The following BUB1 variants were observed in gnomAD, a reference collection of about 807,000 sequenced individuals.
BUB1 encodes the protein BUB1 mitotic checkpoint serine/threonine kinase, also known as mitotic checkpoint serine/threonine-protein kinase BUB1.
A neutral mutation model predicts 135.2 loss-of-function variants in BUB1; 84 were observed. That is an observed-to-expected ratio of 0.62 (90% CI 0.52 to 0.74). The LOEUF is 0.74. Among genes scored for constraint, BUB1 ranks in the 30% least tolerant of loss-of-function variants. The pLI is 0.00. For synonymous variants in BUB1, 403 were observed against 434.4 expected (o/e 0.93, Z 0.90); for missense variants, 1,162 against 1,288.3 (o/e 0.90, Z 1.50).
chr2:110,640,170 C>A (rs1689465254), intron 23 of BUB1, among the ~76,000 whole-genome samples: 1 of 152,164 alleles, frequency 6.6e-6, no homozygotes, highest in African/African-American at 2.4e-5. Flanking sequence ...CCAGCTCACT[C>A]CCCTGGGACT....
intron 11 of BUB1, 95 bp downstream of exon 11, chr2:110,659,883 G>C: frequency 1.1e-6 from 1 of 951,674 alleles, no homozygotes; most frequent in Non-Finnish European, 1.6e-6. Flanking sequence ...GGTTCATTAA[G>C]GCCTGAAGCC....
chr2:110,647,706 A>G (rs995648693), intron 19 of BUB1, among the ~76,000 whole-genome samples: 5 of 152,228 alleles, frequency 3.3e-5, no homozygotes, highest in Non-Finnish European at 5.9e-5. Flanking sequence ...CAAGGCAATG[A>G]TAAGAAACCA....
At chr2:110,656,854 C>T (rs1469704104) in intron 15 of BUB1, among the ~76,000 whole-genome samples, 182 bp downstream of exon 15, 1 of 152,196 alleles carries the variant, frequency 6.6e-6, no homozygotes, top group African/African-American at 2.4e-5. Context: ...AAAATATGCA[C>T]ATACCCTGTT....
At chr2:110,662,951 A>C (rs764009592) in intron 9 of BUB1, among the ~76,000 whole-genome samples, 1 of 152,256 alleles carries the variant, frequency 6.6e-6, no homozygotes, top group Non-Finnish European at 1.5e-5. Flanking sequence ...AGTAAAGATT[A>C]AAAATCATCA....
chr2:110,666,392 C>T lies in BUB1; in HGVS notation c.828G>A (p.Met276Ile). 1 of 1,470,042 alleles carries T rather than the reference C, an allele frequency of 6.8e-7. No homozygotes were observed. Among genetic ancestry groups the T allele is most frequent in the Non-Finnish European group, 9.0e-7 (1 of 1,106,048 alleles). 91.1% of individuals were successfully genotyped at this position (1,470,042 alleles called of 1,614,324 possible). ...CAAAAGCATTTGCTTCTTTCCTTTTCATATAATGTCTGTCTTCATTTACTT... is the reference window on the plus strand; with the variant it reads ...CAAAAGCATTTGCTTCTTTCCTTTTTATATAATGTCTGTCTTCATTTACTT... ...EQWVNEDRHY[M>I]KRKEANAFEE... is the part of the protein sequence containing the mutation. Residue 276 changes from methionine (M) to isoleucine (I), a missense_variant, in exon 9 of 25, where the codon ATG (methionine) becomes ATA (isoleucine). By Grantham distance (10) the Met-to-Ile change is conservative. Transcript: ENST00000302759.
At position 110,660,051 on chromosome 2, in the gene BUB1, T is replaced by C; in HGVS notation, c.1218-15A>G. The C allele has an allele frequency of 1.9e-6, 3 of 1,605,216 alleles. No homozygotes were observed. The South Asian group carries it at 3.3e-5, about 18-fold the overall frequency. The stretch of plus-strand genomic sequence containing the variant: ...TATTCACACATCTGGAAGAGAAAAC[T>C]CTTGAGACACACTAGAGAATAAAAT... On this transcript the variant is annotated splice_polypyrimidine_tract_variant and intron_variant, in intron 10 of 24. Transcript: ENST00000302759.
chr2:110,675,984 G>A (rs62162628), intron 1 of BUB1, among the ~76,000 whole-genome samples: 19 of 151,784 alleles, frequency 1.3e-4, no homozygotes, highest in Admixed American at 2.6e-4. Flanking sequence ...CTATCACCTC[G>A]GTATATGAAT....
chr2:110,677,790 C>T (rs1690632726), intron 1 of BUB1, among the ~76,000 whole-genome samples, 180 bp downstream of exon 1: 1 of 152,218 alleles, frequency 6.6e-6, no homozygotes, highest in Non-Finnish European at 1.5e-5. Flanking sequence ...CTCAGCGGAA[C>T]CCAAGGTGCC....
intron 24 of BUB1, among the ~76,000 whole-genome samples, chr2:110,639,309 A>G (rs1233078018): frequency 1.3e-5 from 2 of 151,798 alleles, no homozygotes; most frequent in African/African-American, 4.8e-5. Context: ...ATATTACTTT[A>G]TAATTTATGA....
chr2:110,669,360 G>A (rs1690354565), intron 6 of BUB1, 93 bp downstream of exon 6: 1 of 875,698 alleles, frequency 1.1e-6, no homozygotes, highest in East Asian at 2.4e-5. Flanking sequence ...AAAGATCAAA[G>A]AAATGAGATG....
At chr2:110,646,609 C>T (rs138682615) in intron 19 of BUB1, among the ~76,000 whole-genome samples, 6 of 152,276 alleles carry the variant, frequency 3.9e-5, no homozygotes, top group African/African-American at 1.2e-4. Flanking sequence ...AAATCATACA[C>T]AGTATGAAAG....
chr2:110,640,263 C>G (rs1313125104), intron 23 of BUB1, among the ~76,000 whole-genome samples: 1 of 152,142 alleles, frequency 6.6e-6, no homozygotes, highest in Admixed American at 6.5e-5. Context: ...CAGCCCCATC[C>G]ACATCCACAG....
At chr2:110,650,474 T>A in intron 18 of BUB1, 72 bp downstream of exon 18, 1 of 1,445,420 alleles carries the variant, frequency 6.9e-7, no homozygotes, top group Non-Finnish European at 9.6e-7. Context: ...CACTGTGGGT[T>A]TCTTTCATGG....
intron 1 of BUB1, among the ~76,000 whole-genome samples, chr2:110,677,605 C>T (rs568457013): frequency 6.6e-6 from 1 of 152,234 alleles, no homozygotes; most frequent in East Asian, 1.9e-4. Flanking sequence ...TTGTTAAATA[C>T]GTGACTTTGA....
rs577477399 is a variant in BUB1 at position 110,648,558 on chromosome 2, A to C, written c.2347+676T>G. Among the ~76,000 whole-genome samples, 4 of 152,214 alleles carry C rather than the reference A, an allele frequency of 2.6e-5. No individual in the cohort carries two copies. Among genetic ancestry groups the C allele is most frequent in the Non-Finnish European group, 5.9e-5 (4 of 68,036 alleles). On this transcript the variant is annotated intron_variant, in intron 19 of 24. Coordinates refer to ENST00000302759, the MANE Select transcript of BUB1 (RefSeq NM_004336.5). The surrounding 1 kb of genome is among the most constrained non-coding windows in gnomAD (Gnocchi z 4.2). ...CCTAATGTAAACTAGCACTTCAATT[A>C]ATAATGCATCAACATTGGCTTAATT... is the stretch of plus-strand genomic sequence containing the variant.
At position 110,674,077 on chromosome 2, in the gene BUB1, T is replaced by C. The variant is rs1205159652; in HGVS notation, c.225+9A>G. On this transcript the variant is annotated intron_variant, in intron 3 of 24. Transcript: ENST00000302759. ...TATAGATTTGATTATACATCTTAAG[T>C]ATACTTACAAATTTTAAACAATAAC... 2.0e-6 allele frequency: 3 copies of C among 1,502,716 alleles called. No homozygotes were observed. Among genetic ancestry groups the C allele is most frequent in the African/African-American group, 1.4e-5 (1 of 71,748 alleles). 93.1% of individuals were successfully genotyped at this position (1,502,716 alleles called of 1,614,324 possible). A position where few individuals can be genotyped will look rare whatever the true frequency, so the allele number is the denominator to read the frequency against.
rs55731145 is a variant in BUB1, at chr2:110,641,789, G to A, written c.2478C>T (p.Ala826=). 1.6e-3 allele frequency: 2,562 copies of A among 1,605,272 alleles called. 22 individuals are homozygous for A. Among genetic ancestry groups the A allele is most frequent in the South Asian group, 0.01 (940 of 90,684 alleles). The change falls in exon 21 of 25, where the codon GCC becomes GCT. Residue 826 remains alanine (A), a synonymous_variant. Transcript: ENST00000302759. ...TCCCAATGTAGAATTCCCAGGGGTTGGCAGGCTTTTGGACCTGCAAATCAG... is the reference window on the plus strand; with the variant it reads ...TCCCAATGTAGAATTCCCAGGGGTTAGCAGGCTTTTGGACCTGCAAATCAG... ...QKFVLKVQKP[A]NPWEFYIGTQ...
At chr2:110,653,655 C>A in intron 16 of BUB1, 132 bp from the exon 17 acceptor site, 1 of 731,086 alleles carries the variant, frequency 1.4e-6, no homozygotes, top group South Asian at 2.0e-5. Context: ...AAATAGTGTT[C>A]CATTGTAAAA....
chr2:110,649,193 G>T (rs1169059579), intron 19 of BUB1, 41 bp downstream of exon 19: 9 of 1,575,172 alleles, frequency 5.7e-6, no homozygotes, highest in Non-Finnish European at 7.8e-6. Flanking sequence ...TTCTCATAGA[G>T]AAACAAGAAT....
Sources: gnomAD v4.1 joint callset for allele counts (sites outside exome capture counted in the v4.1 genomes callset) on GRCh38, gnomAD v4.1.1 for gene constraint, Gnocchi (gnomAD v3.1) non-coding constraint, MANE v1.5 for transcripts, NCBI Gene and HGNC (gene_info 2026-07-23, HGNC 2026-07-21) for gene names.